Variants in DLGAP2 observed in about 807,000 individuals in gnomAD.
DLGAP2 encodes the protein DLG associated protein 2.
A neutral mutation model predicts 100.3 loss-of-function variants in DLGAP2; 26 were observed. That is an observed-to-expected ratio of 0.26 (90% CI 0.19 to 0.36). DLGAP2 has a LOEUF of 0.36. Ranked by LOEUF, DLGAP2 falls within the 10% of genes least tolerant of loss-of-function variation. DLGAP2 has a pLI of 1.00. For missense variants in DLGAP2, 1,858 were observed against 1,453.2 expected, an observed-to-expected ratio of 1.28 and a Z score of -4.53; for synonymous variants, 886 against 630.1, an observed-to-expected ratio of 1.41 and a Z score of -6.08.
chr8:1,446,262 T>A (rs1335662356), intron 3 of DLGAP2, among the ~76,000 whole-genome samples: 1 of 152,202 alleles, frequency 6.6e-6, no homozygotes, highest in African/African-American at 2.4e-5. Flanking sequence ...TTGAATTAAT[T>A]TTTGTATAAG....
intron 2 of DLGAP2, among the ~76,000 whole-genome samples, chr8:1,182,484 A>G (rs532484225): frequency 1.3e-5 from 2 of 152,192 alleles, no homozygotes; most frequent in African/African-American, 4.8e-5. Flanking sequence ...TAGCCCTAAC[A>G]GAATTGTGTC....
At chr8:1,005,839 C>T (rs1801092975) in intron 2 of DLGAP2, among the ~76,000 whole-genome samples, 1 of 152,186 alleles carries the variant, frequency 6.6e-6, no homozygotes, top group African/African-American at 2.4e-5. Flanking sequence ...CAAATAATAC[C>T]TTCAGGGAAT....
At chr8:1,174,419 A>T (rs940676377) in intron 2 of DLGAP2, among the ~76,000 whole-genome samples, 4 of 151,872 alleles carry the variant, frequency 2.6e-5, no homozygotes, top group African/African-American at 9.7e-5. Flanking sequence ...AATCATTATC[A>T]TTACCATTAC....
chr8:787,644 T>G (rs1248330356), intron 1 of DLGAP2, among the ~76,000 whole-genome samples: 1 of 152,214 alleles, frequency 6.6e-6, no homozygotes, highest in Non-Finnish European at 1.5e-5. Context: ...CGGTGGCCTC[T>G]TCCCCCCTTG....
intron 2 of DLGAP2, among the ~76,000 whole-genome samples, chr8:961,079 G>A (rs1328608967): frequency 6.7e-6 from 1 of 148,560 alleles, no homozygotes; most frequent in Non-Finnish European, 1.5e-5. Flanking sequence ...CATGTTGCCT[G>A]TGAACGATAC....
chr8:1,587,439 T>C (rs1479209452), intron 6 of DLGAP2, among the ~76,000 whole-genome samples: 1 of 152,344 alleles, frequency 6.6e-6, no homozygotes, highest in East Asian at 1.9e-4. Flanking sequence ...CTTTTATTGC[T>C]ATTTCTTCTT....
At chr8:1,239,532 G>GTCTAGTTCTCTCT (rs1206224327) in intron 2 of DLGAP2, among the ~76,000 whole-genome samples, 4 of 108,802 alleles carry the variant, frequency 3.7e-5, no homozygotes, top group East Asian at 2.5e-4. Flanking sequence ...ATGGTGCCGT[G>GTCTAGTTCTCTCT]TCTAGTTCTC....
At chr8:1,049,848 G>A (rs1802623078) in intron 2 of DLGAP2, among the ~76,000 whole-genome samples, 1 of 150,876 alleles carries the variant, frequency 6.6e-6, no homozygotes, top group Admixed American at 6.7e-5. Context: ...TCACATGTGT[G>A]GATATGTGCA....
At chr8:1,090,098 A>G (rs185946835) in intron 2 of DLGAP2, among the ~76,000 whole-genome samples, 4,787 of 127,388 alleles carry the variant, frequency 0.038, 109 homozygotes, top group East Asian at 0.074. Context: ...CTGGGCAGAC[A>G]GGGGTGGAAA....
chr8:1,121,721 C>T (rs13255211), intron 2 of DLGAP2, among the ~76,000 whole-genome samples: 2 of 82,384 alleles, frequency 2.4e-5, no homozygotes, highest in Non-Finnish European at 7.4e-5. Flanking sequence ...CATCCTTGTC[C>T]CTTTAGAACC....
intron 2 of DLGAP2, among the ~76,000 whole-genome samples, chr8:1,075,629 C>T (rs578095246): frequency 9.9e-5 from 15 of 152,268 alleles, no homozygotes; most frequent in Non-Finnish European, 1.5e-4. Flanking sequence ...TTGTATGTGA[C>T]GTCCTTGATG....
chr8:1,448,322 T>C (rs982418676), intron 3 of DLGAP2, among the ~76,000 whole-genome samples: 1 of 152,218 alleles, frequency 6.6e-6, no homozygotes, highest in Admixed American at 6.5e-5. Context: ...ACATCTTTAT[T>C]TCTGCCTTCA....
chr8:1,380,689 A>T (rs1796070969), intron 3 of DLGAP2, among the ~76,000 whole-genome samples: 1 of 152,186 alleles, frequency 6.6e-6, no homozygotes, highest in Non-Finnish European at 1.5e-5. Flanking sequence ...GACTCTCTGT[A>T]GCACTGAGCT....
chr8:1,455,706 C>G (rs1395126886), intron 3 of DLGAP2, among the ~76,000 whole-genome samples: 2 of 152,178 alleles, frequency 1.3e-5, no homozygotes, highest in Non-Finnish European at 2.9e-5. Context: ...TCCACGCCCC[C>G]CATTTATATA....
intron 2 of DLGAP2, among the ~76,000 whole-genome samples, chr8:1,008,675 T>C (rs796106484): frequency 1.6e-4 from 24 of 152,334 alleles, no homozygotes; most frequent in African/African-American, 5.3e-4. Context: ...AGAACAGCTG[T>C]CCGCCTCTGC....
rs984579497 is a variant in DLGAP2, at chr8:1,033,563, G to T, written c.73+125597G>T. ...CATGCCTGTAGTCCCAGCTACTAGGGGGGCCAAGGCAGGAGGATAGCTTGA... is the reference window on the plus strand; with the variant it reads ...CATGCCTGTAGTCCCAGCTACTAGGTGGGCCAAGGCAGGAGGATAGCTTGA... On this transcript the variant is annotated intron_variant, in intron 2 of 14. Coordinates refer to ENST00000637795, the MANE Select transcript of DLGAP2 (RefSeq NM_001346810.2). 2.0e-5 allele frequency among the ~76,000 whole-genome samples: 3 copies of T among 152,186 alleles called. 1 individual carries two copies. The highest frequency in any genetic ancestry group is 4.4e-5 in the Non-Finnish European group (3 of 68,026).
chr8:800,124 G>T (rs1796117598), intron 1 of DLGAP2, among the ~76,000 whole-genome samples: 1 of 152,066 alleles, frequency 6.6e-6, no homozygotes, highest in Non-Finnish European at 1.5e-5. Flanking sequence ...CTCTAATCTG[G>T]TCTATGCCAC....
intron 3 of DLGAP2, among the ~76,000 whole-genome samples, chr8:1,371,145 A>T (rs1488576940): frequency 6.6e-6 from 1 of 152,204 alleles, no homozygotes; most frequent in Non-Finnish European, 1.5e-5. Context: ...CAGCTCCTCG[A>T]GGAAGAGAGT....
chr8:1,516,525 CAGT>C (rs1800394248), intron 4 of DLGAP2, among the ~76,000 whole-genome samples: 1 of 94,956 alleles, frequency 1.1e-5, no homozygotes, highest in Non-Finnish European at 2.2e-5. Context: ...ATGAATCAGT[CAGT>C]GAGTGAGTGA....
Sources: gnomAD v4.1 joint callset for allele counts (sites outside exome capture counted in the v4.1 genomes callset) on GRCh38, gnomAD v4.1.1 for gene constraint, MANE v1.5 for transcripts, NCBI Gene and HGNC (gene_info 2026-07-23, HGNC 2026-07-21) for gene names.